Variants in MED12L observed in about 807,000 individuals in gnomAD.
The protein encoded by MED12L is mediator of RNA polymerase II transcription subunit 12-like protein.
In MED12L, 60 loss-of-function variants were observed where a neutral mutation model predicts 281.3. That is an observed-to-expected ratio of 0.21 (90% CI 0.17 to 0.26). MED12L has a LOEUF of 0.26. MED12L is among the 10% of genes least tolerant of loss of function. MED12L has a pLI of 1.00. For synonymous variants in MED12L, 974 were observed against 987.2 expected, an observed-to-expected ratio of 0.99 and a Z score of 0.25; for missense variants, 2,146 against 2,680.9, an observed-to-expected ratio of 0.80 and a Z score of 4.41.
rs1724979046 is a variant in MED12L, at chr3:151,198,348, T to TG, written c.2250+4682_2250+4683insG. On this transcript the variant is annotated intron_variant, in intron 16 of 44. Coordinates refer to ENST00000687756, the MANE Select transcript of MED12L (RefSeq NM_001393769.1). Reference sequence around the variant, plus strand: ...TCATACTGAGTTTTTTTTTGTTTTTTTTTTTTTTATCTTTCAAAGCTATAA... The same window carrying TG: ...TCATACTGAGTTTTTTTTTGTTTTTTGTTTTTTTTATCTTTCAAAGCTATAA... 5.5e-6 allele frequency: 6 copies of TG among 1,094,132 alleles called. No homozygotes were observed. In the South Asian group the frequency reaches 1.4e-4, roughly 25 times the overall value. 67.8% of individuals were successfully genotyped at this position (1,094,132 alleles called of 1,614,324 possible).
At chr3:151,172,803 A>T (rs1210589812) in intron 11 of MED12L, among the ~76,000 whole-genome samples, 3 of 152,266 alleles carry the variant, frequency 2.0e-5, no homozygotes, top group African/African-American at 7.2e-5. Context: ...TATGTTGTTG[A>T]TGCTGATCAC....
At chr3:151,146,762 A>G (rs1215880986) in intron 5 of MED12L, among the ~76,000 whole-genome samples, 2 of 152,154 alleles carry the variant, frequency 1.3e-5, no homozygotes, top group Non-Finnish European at 2.9e-5. Flanking sequence ...TATTTCAGTA[A>G]TGTATCACGC....
chr3:151,372,641 G>T lies in MED12L; in HGVS notation c.3739G>T (p.Asp1247Tyr). Reference sequence around the variant, plus strand: ...CTTCACCATGAGAGGTTTGCGATGTGATGGGAATGCTGATGATATCTGGAC... The same window carrying T: ...CTTCACCATGAGAGGTTTGCGATGTTATGGGAATGCTGATGATATCTGGAC... ...DDFTMRGLRC[D>Y]GNADDIWTAS... Residue 1247 changes from aspartate to tyrosine, a missense_variant, in exon 27 of 45, where the codon GAT becomes TAT. Transcript: ENST00000687756. 1 of 1,613,894 alleles carries T rather than the reference G, an allele frequency of 6.2e-7. No individual in the cohort carries two copies. Among genetic ancestry groups the T allele is most frequent in the Non-Finnish European group, 8.5e-7 (1 of 1,179,834 alleles).
At chr3:151,147,414 C>CGGTCA (rs1170040243) in intron 5 of MED12L, among the ~76,000 whole-genome samples, 1 of 152,144 alleles carries the variant, frequency 6.6e-6, no homozygotes, top group Non-Finnish European at 1.5e-5. Flanking sequence ...TTAAAGTCTA[C>CGGTCA]GGTCAGTGTT....
intron 11 of MED12L, among the ~76,000 whole-genome samples, chr3:151,179,065 C>T (rs1028089290): frequency 2.6e-5 from 4 of 152,046 alleles, no homozygotes; most frequent in Admixed American, 1.3e-4. Flanking sequence ...TTTGGCTGGG[C>T]GTGGTGGCTC....
Position 151,293,576 on chromosome 3 carries a change from TACACACACAC to T in MED12L, c.2251-56450_2251-56441del, listed in dbSNP as rs55846173. On this transcript the variant is annotated intron_variant, in intron 16 of 44. Coordinates refer to ENST00000687756, the MANE Select transcript of MED12L (RefSeq NM_001393769.1). ...ACAGAGGGTCCTAAAATGAAGCCCT[TACACACACAC>T]ACACACACACACACACACACACACA... 9.3e-3 allele frequency among the ~76,000 whole-genome samples: 712 copies of T among 76,224 alleles called. 7 individuals are homozygous for T. Among genetic ancestry groups the T allele is most frequent in the Non-Finnish European group, 0.012 (513 of 41,248 alleles). 50.0% of individuals were successfully genotyped at this position (76,224 alleles called of 152,430 possible).
intron 31 of MED12L, among the ~76,000 whole-genome samples, chr3:151,379,866 C>T (rs148766468): frequency 1.4e-3 from 219 of 152,318 alleles, no homozygotes; most frequent in African/African-American, 4.8e-3. Context: ...GGCATGCTCA[C>T]ATGCAGTATG....
intron 28 of MED12L, 147 bp downstream of exon 28, chr3:151,376,361 C>T (rs1756854461): frequency 1.5e-6 from 1 of 645,172 alleles, no homozygotes; most frequent in African/African-American, 1.9e-5. Context: ...AATTGACATA[C>T]TTTATTTTTG....
intron 7 of MED12L, among the ~76,000 whole-genome samples, chr3:151,159,614 CATT>C (rs1719731160): frequency 6.6e-6 from 1 of 152,178 alleles, no homozygotes; most frequent in South Asian, 2.1e-4. Context: ...AAATAAAATA[CATT>C]ATTCTAATTT....
intron 16 of MED12L, chr3:151,338,415 A>G (rs1263707463): frequency 1.2e-6 from 2 of 1,614,006 alleles, no homozygotes; most frequent in Non-Finnish European, 1.7e-6. Context: ...GACAACAGAG[A>G]GAATCTTAGC....
intron 40 of MED12L, among the ~76,000 whole-genome samples, chr3:151,409,996 A>G (rs889872477): frequency 6.6e-6 from 1 of 152,178 alleles, no homozygotes; most frequent in Non-Finnish European, 1.5e-5. Flanking sequence ...CAAAGATAGC[A>G]TCAATGAGGA....
In MED12L at chr3:151,394,853, C is replaced by A; in HGVS notation, c.5806C>A (p.Arg1936=). The A allele has an allele frequency of 6.2e-7, 1 of 1,614,046 alleles. No individual in the cohort carries two copies. Among genetic ancestry groups the A allele is most frequent in the Non-Finnish European group, 8.5e-7 (1 of 1,180,030 alleles). ...QQRLLRQAQT[R]PFQQGQPGDQ... is the part of the protein sequence containing the mutation. The stretch of plus-strand genomic sequence containing the variant: ...GCGACTTCTCAGGCAAGCCCAGACT[C>A]GGCCTTTCCAACAGGTTTGTCCAGA... The change falls in exon 39 of 45, where the codon CGG becomes AGG. Residue 1936 remains arginine (R), a synonymous_variant. Transcript: ENST00000687756.
At chr3:151,247,009 A>T (rs1338023427) in intron 16 of MED12L, among the ~76,000 whole-genome samples, 1 of 152,232 alleles carries the variant, frequency 6.6e-6, no homozygotes. Context: ...GCCAAAAAAC[A>T]CATGAAAAAA....
In MED12L at chr3:151,365,813, A is replaced by G. The variant is rs766924572; in HGVS notation, c.3186-37A>G. The stretch of plus-strand genomic sequence containing the variant: ...TCACAGGTGAGTATTTCTCTTTTGT[A>G]CAAGGTTACTTTCTGTGTCTTCTTT... On this transcript the variant is annotated intron_variant, in intron 22 of 44. Transcript: ENST00000687756. The G allele has an allele frequency of 7.1e-6, 11 of 1,553,348 alleles. No homozygotes were observed. In the South Asian group the frequency reaches 1.2e-4, roughly 17 times the overall value.
chr3:151,368,629 TATTTCATTTCATTTCATTTCATTTC>T lies in MED12L; in HGVS notation c.3550+401_3550+425del, dbSNP rs1159385723. ...TATTTTATTTTATTTTATTTTATTT[TATTTCATTTCATTTCATTTCATTTC>T]ATTTCATTTCATTTCATTTCATGTC... On this transcript the variant is annotated intron_variant, in intron 25 of 44. Transcript: ENST00000687756. Among the ~76,000 whole-genome samples the T allele has an allele frequency of 3.7e-4, 34 of 92,902 alleles. 1 individual carries two copies. In the East Asian group the frequency reaches 6.1e-3, roughly 17 times the overall value. The allele number at this position is 92,902 out of a possible 152,430, so 60.9% of individuals were successfully genotyped here.
At chr3:151,323,804 G>C (rs1229006228) in intron 16 of MED12L, among the ~76,000 whole-genome samples, 2 of 152,196 alleles carry the variant, frequency 1.3e-5, no homozygotes, top group East Asian at 3.9e-4. Flanking sequence ...GGAATGACTG[G>C]CTAAATGAAC....
chr3:151,152,283 G>A (rs1306990576), intron 5 of MED12L, among the ~76,000 whole-genome samples: 2 of 151,296 alleles, frequency 1.3e-5, no homozygotes, highest in Admixed American at 6.6e-5. Context: ...TGATTTTTTT[G>A]TAACAATGAT....
At chr3:151,429,506 C>G (rs1399924477) in intron 43 of MED12L, among the ~76,000 whole-genome samples, 3 of 152,206 alleles carry the variant, frequency 2.0e-5, no homozygotes, top group Admixed American at 1.3e-4. Context: ...AAACGATAGT[C>G]TGAAATTTGA....
intron 39 of MED12L, among the ~76,000 whole-genome samples, chr3:151,407,672 A>C (rs976284991): frequency 6.6e-5 from 10 of 152,254 alleles, no homozygotes; most frequent in Admixed American, 2.0e-4. Flanking sequence ...AACCCAAGCA[A>C]ATGGAGATAC....
Sources: allele counts gnomAD v4.1 joint callset (sites outside exome capture counted in the v4.1 genomes callset), GRCh38; gene constraint gnomAD v4.1.1; transcripts MANE v1.5; gene names NCBI Gene and HGNC (gene_info 2026-07-23, HGNC 2026-07-21).